The following PRKCA variants were observed in gnomAD, a reference collection of about 807,000 sequenced individuals.
PRKCA encodes the protein protein kinase C alpha type.
In PRKCA, 27 loss-of-function variants were observed where a neutral mutation model predicts 87.0. The ratio of observed to expected loss-of-function variants is 0.31; its 90% CI spans 0.23 to 0.43. PRKCA has a LOEUF of 0.43. PRKCA is among the 20% of genes least tolerant of loss of function. The probability of loss-of-function intolerance (pLI) is 1.00; values close to 1 mark genes in which losing one functional copy is unlikely to be tolerated. For synonymous variants in PRKCA, 329 were observed against 311.1 expected, an observed-to-expected ratio of 1.06 and a Z score of -0.61; for missense variants, 518 against 852.3, an observed-to-expected ratio of 0.61 and a Z score of 4.88.
At position 66,777,563 on chromosome 17, in the gene PRKCA, T is replaced by C. The variant is rs531016553; in HGVS notation, c.1605+3496T>C. ...GAGTTGTCTGCTCCTCAAGTTAATT[T>C]CCCCCTCTTTAAAATTTTTACAGTA... On this transcript the variant is annotated intron_variant, in intron 14 of 16. Coordinates refer to ENST00000413366, the MANE Select transcript of PRKCA (RefSeq NM_002737.3). 6.1e-6 allele frequency: 6 copies of C among 984,308 alleles called. No individual in the cohort carries two copies. In the South Asian group the frequency reaches 1.9e-4, roughly 31 times the overall value. 61.0% of individuals were successfully genotyped at this position (984,308 alleles called of 1,614,324 possible). A position where few individuals can be genotyped will look rare whatever the true frequency, so the allele number is the denominator to read the frequency against.
intron 10 of PRKCA, among the ~76,000 whole-genome samples, chr17:66,737,255 C>T (rs957579039): frequency 3.3e-5 from 5 of 151,528 alleles, no homozygotes; most frequent in Non-Finnish European, 7.4e-5. Context: ...CCCAGCTACT[C>T]GGGAGGCTGA....
At chr17:66,712,780 CT>C (rs1973364748) in intron 8 of PRKCA, among the ~76,000 whole-genome samples, 1 of 152,192 alleles carries the variant, frequency 6.6e-6, no homozygotes, top group Non-Finnish European at 1.5e-5. Context: ...TGCAGCTCAT[CT>C]CTCTTGCCTC....
intron 2 of PRKCA, among the ~76,000 whole-genome samples, chr17:66,407,315 T>G (rs191140409): frequency 3.4e-4 from 52 of 152,042 alleles, no homozygotes; most frequent in Non-Finnish European, 6.8e-4. Context: ...CACCTTGGGC[T>G]GTTACTGTGA....
chr17:66,516,640 A>C (rs1364814252), intron 3 of PRKCA, among the ~76,000 whole-genome samples: 1 of 152,060 alleles, frequency 6.6e-6, no homozygotes, highest in South Asian at 2.1e-4. Context: ...CTAAAAAAAA[A>C]AAGAATAAGT....
intron 2 of PRKCA, among the ~76,000 whole-genome samples, chr17:66,439,097 T>C (rs1913571474): frequency 6.6e-6 from 1 of 152,220 alleles, no homozygotes; most frequent in Admixed American, 6.5e-5. Context: ...TACTGAGCGC[T>C]TTATATTCTG....
chr17:66,606,618 T>C (rs1405683592), intron 3 of PRKCA, among the ~76,000 whole-genome samples: 1 of 152,226 alleles, frequency 6.6e-6, no homozygotes, highest in Non-Finnish European at 1.5e-5. Context: ...AGTACTGTAA[T>C]ATTTCTCACA....
intron 3 of PRKCA, among the ~76,000 whole-genome samples, chr17:66,592,163 T>G (rs1183737277): frequency 1.3e-5 from 2 of 152,012 alleles, no homozygotes; most frequent in Non-Finnish European, 1.5e-5. Context: ...GAGACCAGCC[T>G]GGTTAACATG....
chr17:66,347,840 G>A (rs1907485289), intron 2 of PRKCA, among the ~76,000 whole-genome samples: 2 of 151,862 alleles, frequency 1.3e-5, no homozygotes, highest in Non-Finnish European at 2.9e-5. Context: ...AGTCAAAGTG[G>A]TGTTTCATGG....
chr17:66,652,509 A>G (rs1222609026), intron 5 of PRKCA, among the ~76,000 whole-genome samples: 2 of 152,142 alleles, frequency 1.3e-5, no homozygotes, highest in Admixed American at 1.3e-4. Context: ...AATGTCTACA[A>G]CCTACTTCCA....
chr17:66,475,661 C>T (rs1040909436), intron 2 of PRKCA, among the ~76,000 whole-genome samples: 2 of 152,130 alleles, frequency 1.3e-5, no homozygotes, highest in African/African-American at 4.8e-5. Flanking sequence ...CCCCTGTCAG[C>T]TCACATTTAA....
At chr17:66,421,125 G>C (rs918037430) in intron 2 of PRKCA, among the ~76,000 whole-genome samples, 2 of 152,106 alleles carry the variant, frequency 1.3e-5, no homozygotes, top group African/African-American at 4.8e-5. Context: ...AAAAATGCTT[G>C]CCTGATAAAA....
intron 2 of PRKCA, among the ~76,000 whole-genome samples, chr17:66,447,369 G>A (rs930311057): frequency 1.2e-4 from 18 of 152,236 alleles, no homozygotes; most frequent in African/African-American, 4.3e-4. Context: ...GTTCTGAGCC[G>A]GAGACTCATG....
intron 5 of PRKCA, among the ~76,000 whole-genome samples, chr17:66,656,169 A>G (rs776030625): frequency 1.1e-4 from 17 of 152,094 alleles, no homozygotes; most frequent in South Asian, 2.1e-4. Flanking sequence ...TTCATGCAGC[A>G]TTTGTCTTTG....
chr17:66,515,143 C>G (rs1966924478), intron 3 of PRKCA, among the ~76,000 whole-genome samples: 1 of 151,916 alleles, frequency 6.6e-6, no homozygotes, highest in East Asian at 1.9e-4. Context: ...CTAGTCCCAG[C>G]TACTCGGGAG....
At chr17:66,471,230 G>A (rs956543473) in intron 2 of PRKCA, among the ~76,000 whole-genome samples, 12 of 152,186 alleles carry the variant, frequency 7.9e-5, no homozygotes, top group Non-Finnish European at 1.5e-4. Flanking sequence ...CATTCAGTAA[G>A]TGATACATCA....
chr17:66,582,345 G>T (rs8072339), intron 3 of PRKCA, among the ~76,000 whole-genome samples: 54,888 of 151,976 alleles, frequency 0.36, 10,338 homozygotes, highest in African/African-American at 0.45. Flanking sequence ...TTGATATAGT[G>T]TGGCTGTGTC....
intron 13 of PRKCA, among the ~76,000 whole-genome samples, chr17:66,757,393 C>A (rs1187900381): frequency 1.3e-5 from 2 of 152,016 alleles, no homozygotes; most frequent in Admixed American, 6.5e-5. Flanking sequence ...AATCACAGAT[C>A]CAGGAAGCTC....
At chr17:66,531,488 C>CT (rs1967538400) in intron 3 of PRKCA, among the ~76,000 whole-genome samples, 1 of 152,192 alleles carries the variant, frequency 6.6e-6, no homozygotes, top group African/African-American at 2.4e-5. Context: ...GAGGCCCTGC[C>CT]TAAAGCTCGA....
rs59309576 is a variant in PRKCA, at chr17:66,698,819, C to CAAAAA, written c.918+9785_918+9789dup. On this transcript the variant is annotated intron_variant, in intron 8 of 16. Transcript: ENST00000413366. ...CAAAACCCTGTGTCTACTAAAAATA[C>CAAAAA]AAAAAAAAAAAAAAAAATAGGTGTA... 6.8e-5 allele frequency among the ~76,000 whole-genome samples: 7 copies of CAAAAA among 102,782 alleles called. 1 individual carries two copies. In the East Asian group the frequency reaches 7.4e-4, roughly 11 times the overall value. 67.4% of individuals were successfully genotyped at this position (102,782 alleles called of 152,430 possible). A position where few individuals can be genotyped will look rare whatever the true frequency, so the allele number is the denominator to read the frequency against.
Sources: gnomAD v4.1 joint callset for allele counts (sites outside exome capture counted in the v4.1 genomes callset) on GRCh38, gnomAD v4.1.1 for gene constraint, MANE v1.5 for transcripts, NCBI Gene and HGNC (gene_info 2026-07-23, HGNC 2026-07-21) for gene names.